LRRC4C: variants seen among roughly 807,000 people sequenced by gnomAD.
LRRC4C encodes leucine-rich repeat-containing protein 4C.
In LRRC4C, 5 loss-of-function variants were observed where a neutral mutation model predicts 33.6. That is an observed-to-expected ratio of 0.15 (90% confidence interval 0.08 to 0.31). LRRC4C has a LOEUF of 0.31. Ranked by LOEUF, LRRC4C falls within the 10% of genes least tolerant of loss-of-function variation. The pLI is 1.00. For missense variants in LRRC4C, 560 were observed against 796.7 expected (o/e 0.70, Z 3.58); for synonymous variants, 329 against 302.0 (o/e 1.09, Z -0.93).
intron 1 of LRRC4C, among the ~76,000 whole-genome samples, chr11:41,030,249 A>G (rs921652781): frequency 2.6e-5 from 4 of 151,902 alleles, no homozygotes; most frequent in African/African-American, 9.7e-5. Flanking sequence ...ATGCATTTTC[A>G]TTCATTATTT....
chr11:40,442,472 A>G (rs16934839), intron 3 of LRRC4C, among the ~76,000 whole-genome samples: 55,020 of 152,020 alleles, frequency 0.36, 10,637 homozygotes, highest in East Asian at 0.53. Flanking sequence ...CAATATATAA[A>G]TAATTGAAAT....
At chr11:40,359,975 A>G (rs966024807) in intron 3 of LRRC4C, among the ~76,000 whole-genome samples, 2 of 152,200 alleles carry the variant, frequency 1.3e-5, no homozygotes, top group African/African-American at 4.8e-5. Flanking sequence ...CTATTGAATT[A>G]GAGTTTTAAA....
rs77292729 is a variant in LRRC4C, at chr11:40,869,675, C to T, written c.-407+63960G>A. ...AACACATGTGCTCACCTCCCACACA[C>T]TAGCAGGCCACTGCACATGTGGACA... On this transcript the variant is annotated intron_variant, in intron 2 of 6. Coordinates refer to ENST00000528697, the MANE Select transcript of LRRC4C (RefSeq NM_001258419.2). 2.0e-3 allele frequency among the ~76,000 whole-genome samples: 299 copies of T among 152,210 alleles called. 2 individuals are homozygous for T. Among genetic ancestry groups the T allele is most frequent in the African/African-American group, 7.1e-3 (294 of 41,544 alleles).
chr11:40,296,205 C>T (rs977090982), intron 4 of LRRC4C, among the ~76,000 whole-genome samples: 1 of 152,194 alleles, frequency 6.6e-6, no homozygotes, highest in Non-Finnish European at 1.5e-5. Flanking sequence ...TGTTAACCTT[C>T]CCCTTCAGCA....
intron 6 of LRRC4C, among the ~76,000 whole-genome samples, chr11:40,131,168 T>C (rs1012221809): frequency 7.9e-5 from 12 of 152,336 alleles, no homozygotes; most frequent in African/African-American, 2.9e-4. Context: ...TAATTCATAG[T>C]CAGCAGCCAA....
chr11:40,193,066 A>T (rs557265215), intron 5 of LRRC4C, among the ~76,000 whole-genome samples: 1 of 152,288 alleles, frequency 6.6e-6, no homozygotes, highest in African/African-American at 2.4e-5. Context: ...GGCTCTGAAG[A>T]GAGCAGAGGA....
intron 1 of LRRC4C, among the ~76,000 whole-genome samples, chr11:41,220,678 T>C (rs1947269079): frequency 6.6e-6 from 1 of 152,104 alleles, no homozygotes; most frequent in African/African-American, 2.4e-5. Context: ...GAAAAGATGA[T>C]CACTTTTCCC....
At chr11:41,340,403 G>A (rs1951591930) in intron 1 of LRRC4C, among the ~76,000 whole-genome samples, 1 of 152,116 alleles carries the variant, frequency 6.6e-6, no homozygotes, top group Non-Finnish European at 1.5e-5. Context: ...TGGGGCATAA[G>A]GCACCCTGAA....
intron 3 of LRRC4C, chr11:40,446,952 A>G (rs1951664567): frequency 6.6e-6 from 1 of 152,526 alleles, no homozygotes; most frequent in Non-Finnish European, 1.5e-5. Flanking sequence ...GACACAGCCA[A>G]ACCATATCAG....
At position 41,416,512 on chromosome 11, in the gene LRRC4C, T is replaced by C. The variant is rs140899160; in HGVS notation, c.-496+42919A>G. Among the ~76,000 whole-genome samples, 66 of 152,172 alleles carry C rather than the reference T, an allele frequency of 4.3e-4. 1 individual carries two copies. The highest frequency in any genetic ancestry group is 1.5e-3 in the African/African-American group (63 of 41,544). On this transcript the variant is annotated intron_variant, in intron 1 of 6. Coordinates refer to ENST00000528697, the MANE Select transcript of LRRC4C (RefSeq NM_001258419.2). ...CGCTTCTGTATTGATGTAGCATTAA[T>C]ATAGAACTCATGATCTAAACAAAGC...
chr11:40,481,073 A>C (rs192899654), intron 3 of LRRC4C, among the ~76,000 whole-genome samples: 6 of 152,140 alleles, frequency 3.9e-5, no homozygotes, highest in Admixed American at 3.9e-4. Flanking sequence ...AGTAAAAAAA[A>C]AAAAAGAAAA....
At chr11:41,229,943 T>A (rs1479764561) in intron 1 of LRRC4C, among the ~76,000 whole-genome samples, 1 of 152,258 alleles carries the variant, frequency 6.6e-6, no homozygotes, top group East Asian at 1.9e-4. Context: ...TCTTTCATAA[T>A]TTAATTGAAG....
chr11:40,924,745 C>CAT (rs959814345), intron 2 of LRRC4C, among the ~76,000 whole-genome samples: 3 of 151,872 alleles, frequency 2.0e-5, no homozygotes, highest in Non-Finnish European at 4.4e-5. Flanking sequence ...ATTGAAATAT[C>CAT]ATATATATAT....
intron 3 of LRRC4C, among the ~76,000 whole-genome samples, chr11:40,570,698 C>T (rs1957948392): frequency 6.6e-6 from 1 of 152,068 alleles, no homozygotes; most frequent in Non-Finnish European, 1.5e-5. Context: ...TATTTCTCTT[C>T]AGATATTATT....
intron 1 of LRRC4C, among the ~76,000 whole-genome samples, chr11:41,302,363 T>C (rs913401102): frequency 4.6e-5 from 7 of 152,170 alleles, no homozygotes; most frequent in Non-Finnish European, 1.0e-4. Flanking sequence ...GAGGCAAAGT[T>C]GAGAGAGACA....
At chr11:41,405,243 A>ACTC (rs1954185871) in intron 1 of LRRC4C, among the ~76,000 whole-genome samples, 1 of 152,056 alleles carries the variant, frequency 6.6e-6, no homozygotes, top group African/African-American at 2.4e-5. Flanking sequence ...CTTGATAAAA[A>ACTC]CTCCAGAATA....
chr11:40,787,335 A>G (rs1950453348), intron 2 of LRRC4C, among the ~76,000 whole-genome samples: 1 of 152,204 alleles, frequency 6.6e-6, no homozygotes. Flanking sequence ...GTTGGGTGAC[A>G]GTCCGTTAGT....
intron 5 of LRRC4C, among the ~76,000 whole-genome samples, chr11:40,149,890 G>A (rs561723939): frequency 6.6e-6 from 1 of 152,182 alleles, no homozygotes; most frequent in African/African-American, 2.4e-5. Flanking sequence ...AGATGTGGGT[G>A]GTGAAAGTAT....
At chr11:41,308,621 G>T (rs1019661874) in intron 1 of LRRC4C, among the ~76,000 whole-genome samples, 2 of 152,124 alleles carry the variant, frequency 1.3e-5, no homozygotes, top group Non-Finnish European at 2.9e-5. Context: ...GAGATATTCT[G>T]ATTTTTAAGA....
Sources: gnomAD v4.1 joint callset for allele counts (sites outside exome capture counted in the v4.1 genomes callset) on GRCh38, gnomAD v4.1.1 for gene constraint, MANE v1.5 for transcripts, NCBI Gene and HGNC (gene_info 2026-07-23, HGNC 2026-07-21) for gene names.